The following LRMDA variants were observed in gnomAD, a reference collection of about 807,000 sequenced individuals.
LRMDA encodes the protein leucine rich melanocyte differentiation associated.
Under a neutral mutation model 29.8 loss-of-function variants are expected in LRMDA, and 18 were observed. The ratio of observed to expected loss-of-function variants is 0.60; its 90% CI spans 0.42 to 0.90. LRMDA has a LOEUF of 0.90. Among genes scored for constraint, LRMDA ranks in the 40% least tolerant of loss-of-function variants. LRMDA has a pLI of 0.00. For synonymous variants in LRMDA, 125 were observed against 109.4 expected (o/e 1.14, Z -0.89); for missense variants, 273 against 273.9 (o/e 1.00, Z 0.02).
intron 5 of LRMDA, among the ~76,000 whole-genome samples, chr10:76,148,260 T>C (rs981065773): frequency 6.6e-6 from 1 of 152,198 alleles, no homozygotes; most frequent in Non-Finnish European, 1.5e-5. Flanking sequence ...TATCTTTTTG[T>C]TTGTCTGTGC....
intron 2 of LRMDA, among the ~76,000 whole-genome samples, chr10:75,948,316 C>T (rs745876669): frequency 2.0e-5 from 3 of 152,084 alleles, no homozygotes; most frequent in Non-Finnish European, 2.9e-5. Context: ...ACTTTGTTCC[C>T]GAGCAGGTTA....
chr10:75,853,293 G>C (rs1411435164), intron 2 of LRMDA, among the ~76,000 whole-genome samples: 15 of 152,136 alleles, frequency 9.9e-5, no homozygotes. Flanking sequence ...TCCCCTAGTG[G>C]CCAGTACAGT....
intron 2 of LRMDA, among the ~76,000 whole-genome samples, chr10:75,963,607 C>G (rs1482567890): frequency 6.6e-6 from 1 of 152,144 alleles, no homozygotes; most frequent in African/African-American, 2.4e-5. Context: ...AGCTTGGGTT[C>G]CAACCTCCAC....
Position 76,147,263 on chromosome 10 carries a change from A to G in LRMDA, c.516+88480A>G, listed in dbSNP as rs370332786. ...CTAGATTGGGGAAGTTCTCCTGGAT[A>G]ATATCCTGCAGAGTGTTTTCCAACT... is the stretch of plus-strand genomic sequence containing the variant. On this transcript the variant is annotated intron_variant, in intron 5 of 6. Transcript: ENST00000611255. Among the ~76,000 whole-genome samples the G allele has an allele frequency of 2.3e-3, 348 of 152,202 alleles. 1 individual carries two copies. Among genetic ancestry groups the G allele is most frequent in the South Asian group, 7.1e-3 (34 of 4,806 alleles).
At chr10:75,967,798 G>A (rs1846891910) in intron 2 of LRMDA, among the ~76,000 whole-genome samples, 1 of 152,020 alleles carries the variant, frequency 6.6e-6, no homozygotes, top group Non-Finnish European at 1.5e-5. Context: ...GCTGAGGAGG[G>A]GAAGAAGAAA....
At chr10:75,607,826 T>G (rs993739887) in intron 2 of LRMDA, among the ~76,000 whole-genome samples, 3 of 98,596 alleles carry the variant, frequency 3.0e-5, no homozygotes, top group Admixed American at 9.2e-5. Flanking sequence ...ATTCAGTGGT[T>G]TTTTTTTTTT....
At chr10:76,030,307 C>T (rs1027987094) in intron 2 of LRMDA, among the ~76,000 whole-genome samples, 1 of 151,924 alleles carries the variant, frequency 6.6e-6, no homozygotes, top group African/African-American at 2.4e-5. Flanking sequence ...CAGAAAAATA[C>T]ACACAGCCAA....
intron 6 of LRMDA, among the ~76,000 whole-genome samples, chr10:76,487,386 G>A (rs1025979191): frequency 2.0e-5 from 3 of 151,892 alleles, no homozygotes; most frequent in African/African-American, 7.2e-5. Context: ...AAATAGAAGA[G>A]ATATTATTGA....
At chr10:75,964,240 T>G (rs1589269129) in intron 2 of LRMDA, among the ~76,000 whole-genome samples, 1 of 152,222 alleles carries the variant, frequency 6.6e-6, no homozygotes, top group African/African-American at 2.4e-5. Flanking sequence ...GCAGAAAATA[T>G]GTTACTGGAC....
At chr10:76,133,637 G>T (rs993249862) in intron 5 of LRMDA, among the ~76,000 whole-genome samples, 1 of 152,214 alleles carries the variant, frequency 6.6e-6, no homozygotes, top group Non-Finnish European at 1.5e-5. Flanking sequence ...CAGCTGCCTG[G>T]CTCCTGACAG....
chr10:75,503,628 T>A (rs1213670676), intron 2 of LRMDA, among the ~76,000 whole-genome samples: 1 of 152,060 alleles, frequency 6.6e-6, no homozygotes, highest in African/African-American at 2.4e-5. Context: ...TTAGAATCAG[T>A]TTGTTAGAGC....
intron 5 of LRMDA, among the ~76,000 whole-genome samples, chr10:76,217,580 G>A (rs1851751134): frequency 6.6e-6 from 1 of 152,154 alleles, no homozygotes; most frequent in South Asian, 2.1e-4. Context: ...GGGACCAGGA[G>A]GGTACTCACA....
chr10:76,269,812 G>A (rs938026325), intron 5 of LRMDA, among the ~76,000 whole-genome samples: 6 of 152,146 alleles, frequency 3.9e-5, no homozygotes, highest in Non-Finnish European at 7.4e-5. Context: ...TTATAAAGGT[G>A]GAAATAAGTT....
At chr10:76,194,885 A>G (rs1456863158) in intron 5 of LRMDA, among the ~76,000 whole-genome samples, 1 of 152,232 alleles carries the variant, frequency 6.6e-6, no homozygotes, top group Non-Finnish European at 1.5e-5. Context: ...TCCAAAGTAC[A>G]ATATGAATCT....
Position 75,492,915 on chromosome 10 carries a change from G to A in LRMDA, c.131+54421G>A, listed in dbSNP as rs557536739. On this transcript the variant is annotated intron_variant, in intron 2 of 6. Transcript: ENST00000611255. ...CATAATCACTTTAATACATTTAAAA[G>A]CTTCAAGGCTTAGCATTTATTGAAC... Among the ~76,000 whole-genome samples the A allele has an allele frequency of 8.5e-5, 13 of 152,268 alleles. No homozygotes were observed. In the East Asian group the frequency reaches 9.6e-4, roughly 11 times the overall value.
intron 2 of LRMDA, among the ~76,000 whole-genome samples, chr10:76,008,920 A>G (rs4746346): frequency 0.33 from 50,721 of 152,118 alleles, 9,960 homozygotes; most frequent in Non-Finnish European, 0.44. Context: ...GATTTAGCCA[A>G]TCCCCTTATT....
chr10:76,061,465 C>T (rs540867919), intron 5 of LRMDA, among the ~76,000 whole-genome samples: 3 of 152,104 alleles, frequency 2.0e-5, no homozygotes, highest in East Asian at 1.9e-4. Flanking sequence ...AACAAACCCC[C>T]GTGACACAAG....
chr10:75,486,361 C>G (rs935291337), intron 2 of LRMDA, among the ~76,000 whole-genome samples: 1 of 152,034 alleles, frequency 6.6e-6, no homozygotes, highest in African/African-American at 2.4e-5. Context: ...TCTTGTAGTT[C>G]TTGTTTTTGA....
chr10:76,203,535 G>A (rs1459435222), intron 5 of LRMDA, among the ~76,000 whole-genome samples: 1 of 152,228 alleles, frequency 6.6e-6, no homozygotes, highest in Non-Finnish European at 1.5e-5. Context: ...GAGATTTGGT[G>A]ATTCGGAGAA....
Sources: allele counts gnomAD v4.1 joint callset (sites outside exome capture counted in the v4.1 genomes callset), GRCh38; gene constraint gnomAD v4.1.1; transcripts MANE v1.5; gene names NCBI Gene and HGNC (gene_info 2026-07-23, HGNC 2026-07-21).